TNRC18: variants seen among roughly 807,000 people sequenced by gnomAD.
The protein encoded by TNRC18 is trinucleotide repeat-containing gene 18 protein.
In TNRC18, 69 loss-of-function variants were observed where a neutral mutation model predicts 226.7. The observed-to-expected ratio is 0.30, with a 90% confidence interval of 0.25 to 0.37. TNRC18 has a LOEUF of 0.37. Ranked by LOEUF, TNRC18 falls within the 10% of genes least tolerant of loss-of-function variation. The pLI is 1.00. For synonymous variants in TNRC18, 2,449 were observed against 1,927.6 expected, an observed-to-expected ratio of 1.27 and a Z score of -7.09; for missense variants, 4,754 against 4,256.6, an observed-to-expected ratio of 1.12 and a Z score of -3.25.
rs1780021950 is a variant in TNRC18, at chr7:5,388,733, C to T, written c.1091G>A (p.Gly364Asp). ...AGVYTVFREQ[G>D]REHRVVAPTF... ...GGGCGCCACCACGCGGTGCTCACGG[C>T]CCTGCTCGCGGAAGACGGTGTAGAC... The change falls in exon 5 of 30, where the codon GGC becomes GAC. Residue 364 changes from glycine to aspartate, a missense_variant. By Grantham distance (94) the Gly-to-Asp change is moderately conservative. Transcript: ENST00000430969. 2.4e-6 allele frequency: 3 copies of T among 1,258,616 alleles called. No individual in the cohort carries two copies. The highest frequency in any genetic ancestry group is 4.5e-5 in the South Asian group (2 of 44,714). The allele number at this position is 1,258,616 out of a possible 1,614,324, so 78.0% of individuals were successfully genotyped here.
intron 2 of TNRC18, among the ~76,000 whole-genome samples, chr7:5,412,108 G>C (rs1167360538): frequency 6.6e-6 from 1 of 152,024 alleles, no homozygotes; most frequent in Non-Finnish European, 1.5e-5. Flanking sequence ...AGGCTCATTT[G>C]AGCCCAGGAG....
At chr7:5,314,141 A>AT (rs545101418) in intron 26 of TNRC18, among the ~76,000 whole-genome samples, 34 of 146,210 alleles carry the variant, frequency 2.3e-4, no homozygotes, top group South Asian at 1.1e-3. Flanking sequence ...TTGTATTATT[A>AT]TTTTTTTTTT....
At position 5,394,112 on chromosome 7, in the gene TNRC18, G is replaced by A. The variant is rs752837036; in HGVS notation, c.343+328C>T. On this transcript the variant is annotated intron_variant, in intron 3 of 29. Transcript: ENST00000430969. The surrounding 1 kb of genome is among the most constrained non-coding windows in gnomAD (Gnocchi z 4.5). ...GCTCACTCCGGTGGGAAAGCGGGTA[G>A]TTCATGAATGATGAGATAATCTGTC... is the stretch of plus-strand genomic sequence containing the variant. Among the ~76,000 whole-genome samples, 1 of 152,168 alleles carries A rather than the reference G, an allele frequency of 6.6e-6. No homozygotes were observed. Among genetic ancestry groups the A allele is most frequent in the African/African-American group, 2.4e-5 (1 of 41,440 alleles).
In TNRC18 at chr7:5,388,220, G is replaced by C; in HGVS notation, c.1604C>G (p.Ala535Gly). Residue 535 changes from alanine to glycine, a missense_variant, in exon 5 of 30, where the codon GCC becomes GGC. By Grantham distance (60) the Ala-to-Gly change is moderately conservative. Transcript: ENST00000430969. ...AGCGACCACGGCGGCCTCCTCTTCG[G>C]CGCGGCTGTGGTGGTGCTGCGCGGC... is the stretch of plus-strand genomic sequence containing the variant. ...VLAAQHHHSRAEEEAAVVAAS... is the reference protein window; with the variant it reads ...VLAAQHHHSRGEEEAAVVAAS... 1 of 1,601,322 alleles carries C rather than the reference G, an allele frequency of 6.2e-7. No individual in the cohort carries two copies. The highest frequency in any genetic ancestry group is 8.5e-7 in the Non-Finnish European group (1 of 1,175,198).
At chr7:5,401,102 G>A (rs985275760) in intron 2 of TNRC18, among the ~76,000 whole-genome samples, 7 of 151,984 alleles carry the variant, frequency 4.6e-5, no homozygotes, top group Non-Finnish European at 1.0e-4. Flanking sequence ...CCAATGCTTT[G>A]GGAGGCCGAG....
intron 9 of TNRC18, among the ~76,000 whole-genome samples, chr7:5,374,686 G>T (rs574590285): frequency 2.0e-5 from 3 of 152,350 alleles, no homozygotes; most frequent in East Asian, 3.9e-4. Flanking sequence ...GTTCCACGCA[G>T]AACCCCAAAA....
intron 5 of TNRC18, among the ~76,000 whole-genome samples, chr7:5,383,777 A>G (rs1779562420): frequency 6.6e-6 from 1 of 151,746 alleles, no homozygotes; most frequent in African/African-American, 2.4e-5. Flanking sequence ...TTAAGGAGAG[A>G]AAGAATCCAG....
In TNRC18 at chr7:5,318,746, T is replaced by C. The variant is rs377121120; in HGVS notation, c.6745+1572A>G. Among the ~76,000 whole-genome samples, 17 of 152,166 alleles carry C rather than the reference T, an allele frequency of 1.1e-4. 2 individuals are homozygous for C. In the South Asian group the frequency reaches 2.5e-3, roughly 22 times the overall value. ...TTCAACATGGGAAGCAAGATAAAAA[T>C]AGAAAAATGTCTTTGAAATGGTGAG... On this transcript the variant is annotated intron_variant, in intron 24 of 29. Coordinates refer to ENST00000430969, the MANE Select transcript of TNRC18 (RefSeq NM_001080495.3).
Position 5,316,274 on chromosome 7 carries a change from C to CTCTTT in TNRC18, c.6746-203_6746-202insAAAGA, listed in dbSNP as rs1405579367. Among the ~76,000 whole-genome samples the CTCTTT allele has an allele frequency of 2.3e-3, 196 of 86,550 alleles. 3 individuals are homozygous for CTCTTT. The highest frequency in any genetic ancestry group is 8.6e-3 in the African/African-American group (185 of 21,434). 56.8% of individuals were successfully genotyped at this position (86,550 alleles called of 152,430 possible). ...CCCGGGCAGGGCAGGAGAAATGGGT[C>CTCTTT]TTTTTTTTTTTTTTTTTTTTTTGAG... On this transcript the variant is annotated intron_variant, in intron 24 of 29. Transcript: ENST00000430969.
chr7:5,350,026 T>C (rs1170018916), intron 17 of TNRC18, among the ~76,000 whole-genome samples: 1 of 152,002 alleles, frequency 6.6e-6, no homozygotes, highest in Non-Finnish European at 1.5e-5. Context: ...CGCTGCCTGC[T>C]TCTCTGTGGG....
At position 5,308,559 on chromosome 7, in the gene TNRC18, G is replaced by A. The variant is rs115019437; in HGVS notation, c.8701-247C>T. ...CCAAAGACGCAGAGAGACAGAGACC[G>A]AGATCGAGAGAGACCCAGAGAGACA... On this transcript the variant is annotated intron_variant, in intron 29 of 29. Coordinates refer to ENST00000430969, the MANE Select transcript of TNRC18 (RefSeq NM_001080495.3). 8.5e-3 allele frequency among the ~76,000 whole-genome samples: 1,302 copies of A among 152,288 alleles called. 10 individuals carry two copies. The highest frequency in any genetic ancestry group is 0.022 in the African/African-American group (922 of 41,554).
Position 5,385,494 on chromosome 7 carries a change from CAAAAAAAAAAAAA to C in TNRC18, c.2152+2165_2152+2177del, listed in dbSNP as rs60919833. The stretch of plus-strand genomic sequence containing the variant: ...TGGGCGACAGAGCGAGACTCCGTCT[CAAAAAAAAAAAAA>C]AAAAAAAAAAGAAAAAAAAATACAA... On this transcript the variant is annotated intron_variant, in intron 5 of 29. Transcript: ENST00000430969. 4.6e-3 allele frequency among the ~76,000 whole-genome samples: 405 copies of C among 88,124 alleles called. 2 individuals are homozygous for C. The highest frequency in any genetic ancestry group is 0.014 in the African/African-American group (384 of 28,122). The allele number at this position is 88,124 out of a possible 152,430, so 57.8% of individuals were successfully genotyped here. A position where few individuals can be genotyped will look rare whatever the true frequency, so the allele number is the denominator to read the frequency against.
At chr7:5,368,385 G>A (rs558868811) in intron 11 of TNRC18, among the ~76,000 whole-genome samples, 5 of 151,468 alleles carry the variant, frequency 3.3e-5, no homozygotes, top group African/African-American at 1.2e-4. Context: ...TAAAGTGTCC[G>A]GGCGCGGTGG....
At chr7:5,387,572 A>C (rs1009596532) in intron 5 of TNRC18, 100 bp downstream of exon 5, 13 of 1,479,616 alleles carry the variant, frequency 8.8e-6, no homozygotes, top group Non-Finnish European at 1.2e-5. Context: ...ACTTATAAAG[A>C]CTTAGCAATA....
chr7:5,313,405 T>C lies in TNRC18; in HGVS notation c.7486A>G (p.Lys2496Glu), dbSNP rs932227705. The C allele has an allele frequency of 1.0e-4, 162 of 1,596,694 alleles. No individual in the cohort carries two copies. Among genetic ancestry groups the C allele is most frequent in the Non-Finnish European group, 1.3e-4 (157 of 1,173,080 alleles). The change falls in exon 27 of 30, where the codon AAG (lysine) becomes GAG (glutamate). Residue 2496 changes from lysine (K) to glutamate (E), a missense_variant. Coordinates refer to ENST00000430969, the MANE Select transcript of TNRC18 (RefSeq NM_001080495.3). ...DPGAGGWQEP[K>E]SLLSLGSYPP... ...TAGCTGCCCAGGCTCAGGAGGCTCT[T>C]GGGCTCCTGCCAGCCCCCCGCCCCC... is the stretch of plus-strand genomic sequence containing the variant.
At chr7:5,352,168 T>A (rs1361996499) in intron 16 of TNRC18, 74 bp from the exon 17 acceptor site, 5 of 1,451,866 alleles carry the variant, frequency 3.4e-6, no homozygotes, top group Non-Finnish European at 4.6e-6. Flanking sequence ...TTGGTTTTAA[T>A]GGTTCTGAGA....
chr7:5,411,928 T>A (rs147006579), intron 2 of TNRC18, among the ~76,000 whole-genome samples: 137 of 152,276 alleles, frequency 9.0e-4, no homozygotes, highest in African/African-American at 3.2e-3. Flanking sequence ...CTCACACCTA[T>A]AATCTCAGCA....
At chr7:5,317,091 T>C (rs1280677814) in intron 24 of TNRC18, among the ~76,000 whole-genome samples, 2 of 151,916 alleles carry the variant, frequency 1.3e-5, no homozygotes, top group African/African-American at 4.8e-5. Context: ...AGGATGTGAG[T>C]CTTGCAGAAT....
At chr7:5,374,605 G>C in intron 9 of TNRC18, 121 bp from the exon 10 acceptor site, 1 of 1,048,308 alleles carries the variant, frequency 9.5e-7, no homozygotes, top group Non-Finnish European at 1.3e-6. Context: ...AGGGCCTGGG[G>C]TCCAGGCTGC....
Sources: allele counts gnomAD v4.1 joint callset (sites outside exome capture counted in the v4.1 genomes callset), GRCh38; gene constraint gnomAD v4.1.1; non-coding constraint Gnocchi (gnomAD v3.1); transcripts MANE v1.5; gene names NCBI Gene and HGNC (gene_info 2026-07-23, HGNC 2026-07-21).